FLNB: variants seen among roughly 807,000 people sequenced by gnomAD.
The protein encoded by FLNB is filamin-B.
In FLNB, 111 loss-of-function variants were observed where a neutral mutation model predicts 250.6. The observed-to-expected ratio is 0.44, with a 90% CI of 0.38 to 0.52. The LOEUF is 0.52. Ranked by LOEUF, FLNB falls within the 20% of genes least tolerant of loss-of-function variation. The pLI, the probability that FLNB is intolerant of heterozygous loss-of-function variation, is 0.00. For synonymous variants in FLNB, 1,302 were observed against 1,372.1 expected (o/e 0.95, Z 1.13); for missense variants, 2,869 against 3,447.8 (o/e 0.83, Z 4.20).
chr3:58,078,891 G>A (rs1281699816), intron 3 of FLNB, 77 bp downstream of exon 3: 8 of 1,066,388 alleles, frequency 7.5e-6, no homozygotes, highest in Non-Finnish European at 1.1e-5. Flanking sequence ...CCCGGGTCAG[G>A]CAGCCCGACC....
At chr3:58,149,614 T>G (rs2097341494) in intron 36 of FLNB, 3 of 586,466 alleles carry the variant, frequency 5.1e-6, no homozygotes, top group Non-Finnish European at 9.1e-6. Context: ...TAAATATCCT[T>G]AAGGAAAGGC....
intron 26 of FLNB, among the ~76,000 whole-genome samples, chr3:58,133,929 A>C (rs2097311999): frequency 6.6e-6 from 1 of 152,246 alleles, no homozygotes; most frequent in Admixed American, 6.5e-5. Flanking sequence ...GATGAGATAT[A>C]AATATTAAAA....
At chr3:58,147,117 T>G in intron 34 of FLNB, 124 bp downstream of exon 34, 1 of 957,248 alleles carries the variant, frequency 1.0e-6, no homozygotes, top group Non-Finnish European at 1.6e-6. Flanking sequence ...TCACAGAGAC[T>G]TGTTGAGGAG....
At chr3:58,057,482 G>C (rs1380199510) in intron 1 of FLNB, among the ~76,000 whole-genome samples, 1 of 152,238 alleles carries the variant, frequency 6.6e-6, no homozygotes. Context: ...GTTACCCTCT[G>C]GGTTCAGCGG....
chr3:58,105,308 G>C lies in FLNB; in HGVS notation c.1747+92G>C, dbSNP rs926838874. The C allele has an allele frequency of 1.0e-5, 16 of 1,537,314 alleles. No individual in the cohort carries two copies. In the African/African-American group the frequency reaches 2.2e-4, roughly 21 times the overall value. Reference sequence around the variant, plus strand: ...AGGCTGGATGTTGGGGCCTTGCCTAGCCTCAATACCTTTAGCTTCCTGGCC... The same window carrying C: ...AGGCTGGATGTTGGGGCCTTGCCTACCCTCAATACCTTTAGCTTCCTGGCC... On this transcript the variant is annotated intron_variant, in intron 11 of 45. Transcript: ENST00000295956.
rs774917649 is a variant in FLNB at position 58,098,820 on chromosome 3, A to T, written c.1257A>T (p.Lys419Asn). The change falls in exon 8 of 46, where the codon AAA (lysine) becomes AAT (asparagine). Residue 419 changes from lysine (K) to asparagine (N), a missense_variant. Physicochemically the swap from Lys to Asn is moderately conservative, Grantham distance 94. Coordinates refer to ENST00000295956, the MANE Select transcript of FLNB (RefSeq NM_001457.4). ...ACCAGGTGTATCGATGTGTGTACAA[A>T]CCCATGCAGCCTGGCCCTCACGTGG... is the stretch of plus-strand genomic sequence containing the variant. ...KGNQVYRCVY[K>N]PMQPGPHVVK... is the part of the protein sequence containing the mutation. 2.5e-6 allele frequency: 4 copies of T among 1,614,036 alleles called. No homozygotes were observed. Among genetic ancestry groups the T allele is most frequent in the South Asian group, 1.1e-5 (1 of 91,060 alleles).
At chr3:58,017,628 T>A (rs2097107683) in intron 1 of FLNB, among the ~76,000 whole-genome samples, 1 of 152,216 alleles carries the variant, frequency 6.6e-6, no homozygotes, top group Non-Finnish European at 1.5e-5. Context: ...TCCTGCCCTC[T>A]AAGAGCCTTA....
At chr3:58,044,535 G>T (rs2097150748) in intron 1 of FLNB, among the ~76,000 whole-genome samples, 3 of 152,204 alleles carry the variant, frequency 2.0e-5, no homozygotes, top group African/African-American at 7.2e-5. Context: ...TGAGGTGGGA[G>T]GATTGCTTGA....
In FLNB at chr3:58,132,941, A is replaced by T. The variant is rs201677184; in HGVS notation, c.4514+10A>T. 2.5e-6 allele frequency: 4 copies of T among 1,609,854 alleles called. No homozygotes were observed. Among genetic ancestry groups the T allele is most frequent in the Admixed American group, 1.7e-5 (1 of 59,340 alleles). ...AAGAGATTCCTCGCAGGTAAGCTCC[A>T]TCCATCTGCCCATCCATTCCTCCAT... On this transcript the variant is annotated intron_variant, in intron 26 of 45. Coordinates refer to ENST00000295956, the MANE Select transcript of FLNB (RefSeq NM_001457.4).
At position 58,123,491 on chromosome 3, in the gene FLNB, A is replaced by G. The variant is rs1250701147; in HGVS notation, c.3525A>G (p.Gly1175=). 6.2e-7 allele frequency: 1 copy of G among 1,603,560 alleles called. No individual in the cohort carries two copies. The highest frequency in any genetic ancestry group is 1.7e-5 in the Admixed American group (1 of 58,942). The change falls in exon 21 of 46, where the codon GGA becomes GGG. Residue 1175 remains glycine (G), a synonymous_variant. Transcript: ENST00000295956. ...GCCTGGAAGCTGTCTCGGACTCGGG[A>G]ACAAAAGCCGAAGTCAGTATTCAGA... The part of the protein sequence containing the change: ...ALGLEAVSDS[G]TKAEVSIQNN...
intron 1 of FLNB, among the ~76,000 whole-genome samples, chr3:58,067,635 C>T (rs1335118452): frequency 6.9e-5 from 10 of 145,074 alleles, no homozygotes; most frequent in African/African-American, 1.5e-4. Context: ...CTCGCTCTGT[C>T]GCCCAGGCTG....
At position 58,130,707 on chromosome 3, in the gene FLNB, GCTTGTGCTCAGAATCCCACAAC is replaced by G. The variant is rs1559716383; in HGVS notation, c.4223-31_4223-10del. On this transcript the variant is annotated splice_polypyrimidine_tract_variant and intron_variant, in intron 24 of 45. Coordinates refer to ENST00000295956, the MANE Select transcript of FLNB (RefSeq NM_001457.4). ...TGCACAAGGTGGTCTCCAATTCCCA[GCTTGTGCTCAGAATCCCACAAC>G]CTCTCTTCCAGGCAGCCCCTTCAGG... 4 of 1,604,144 alleles carry G rather than the reference GCTTGTGCTCAGAATCCCACAAC, an allele frequency of 2.5e-6. No individual in the cohort carries two copies. The South Asian group carries it at 4.5e-5, about 18-fold the overall frequency.
rs1658338 is a variant in FLNB, at chr3:58,008,992, T to A, written c.292+136T>A. On this transcript the variant is annotated intron_variant, in intron 1 of 45. Coordinates refer to ENST00000295956, the MANE Select transcript of FLNB (RefSeq NM_001457.4). Reference sequence around the variant, plus strand: ...AGGGGGAGTCGTCCCCAGGGGTGGGTTATAGGGGGCCTAGACCCCCTCCCC... The same window carrying A: ...AGGGGGAGTCGTCCCCAGGGGTGGGATATAGGGGGCCTAGACCCCCTCCCC... 750,886 of 1,039,132 alleles carry A rather than the reference T, an allele frequency of 0.72. 276,796 individuals carry two copies. The highest frequency in any genetic ancestry group is 0.96 in the East Asian group (39,334 of 40,880). 64.4% of individuals were successfully genotyped at this position (1,039,132 alleles called of 1,614,324 possible). A position where few individuals can be genotyped will look rare whatever the true frequency, so the allele number is the denominator to read the frequency against.
At chr3:58,103,302 G>A (rs577370494) in intron 9 of FLNB, among the ~76,000 whole-genome samples, 4 of 151,594 alleles carry the variant, frequency 2.6e-5, no homozygotes, top group East Asian at 2.0e-4. Flanking sequence ...GTGCACGCGC[G>A]TGCATGCCTC....
At position 58,025,104 on chromosome 3, in the gene FLNB, TTC is replaced by T. The variant is rs1284818956; in HGVS notation, c.292+16250_292+16251del. On this transcript the variant is annotated intron_variant, in intron 1 of 45. Transcript: ENST00000295956. The stretch of plus-strand genomic sequence containing the variant: ...TGTCCTTCCCTTCCATTTCTTTTTT[TTC>T]TTTTTTCTTTTCTTCTTTCTTTCTT... 4.8e-5 allele frequency among the ~76,000 whole-genome samples: 7 copies of T among 145,172 alleles called. 1 individual carries two copies. Among genetic ancestry groups the T allele is most frequent in the African/African-American group, 1.8e-4 (7 of 38,364 alleles).
intron 34 of FLNB, among the ~76,000 whole-genome samples, 173 bp from the exon 35 acceptor site, chr3:58,148,033 C>T (rs745619866): frequency 5.9e-5 from 9 of 152,266 alleles, no homozygotes; most frequent in Admixed American, 2.6e-4. Context: ...GGCATGAATC[C>T]CATCATTCTT....
intron 1 of FLNB, among the ~76,000 whole-genome samples, chr3:58,033,171 G>T (rs966429350): frequency 1.3e-5 from 2 of 152,266 alleles, no homozygotes; most frequent in South Asian, 2.1e-4. Flanking sequence ...ACACTCCTGT[G>T]TACACATGTA....
intron 1 of FLNB, among the ~76,000 whole-genome samples, chr3:58,064,661 A>C (rs916893929): frequency 6.6e-6 from 1 of 151,960 alleles, no homozygotes; most frequent in Non-Finnish European, 1.5e-5. Context: ...CTCTGTGCCA[A>C]GCAGTGCGGC....
intron 1 of FLNB, among the ~76,000 whole-genome samples, chr3:58,020,501 C>G (rs2097112278): frequency 6.6e-6 from 1 of 152,222 alleles, no homozygotes; most frequent in Admixed American, 6.5e-5. Flanking sequence ...ATTCAGGGCT[C>G]AGCCTCCCCA....
Sources: allele counts gnomAD v4.1 joint callset (sites outside exome capture counted in the v4.1 genomes callset), GRCh38; gene constraint gnomAD v4.1.1; transcripts MANE v1.5; gene names NCBI Gene and HGNC (gene_info 2026-07-23, HGNC 2026-07-21).